The following LUZP2 variants were observed in gnomAD, a reference collection of about 807,000 sequenced individuals.
LUZP2 encodes the protein leucine zipper protein 2.
Under a neutral mutation model 51.6 loss-of-function variants are expected in LUZP2, and 52 were observed. That is an observed-to-expected ratio of 1.01 (90% confidence interval 0.81 to 1.27). LUZP2 has a LOEUF of 1.27. Ranked by LOEUF, LUZP2 falls within the 50% of genes most tolerant of loss-of-function variation. The pLI is 0.00. For missense variants in LUZP2, 436 were observed against 395.4 expected (o/e 1.10, Z -0.87); for synonymous variants, 154 against 137.3 (o/e 1.12, Z -0.85).
At chr11:24,816,296 T>C (rs1850181844) in intron 5 of LUZP2, among the ~76,000 whole-genome samples, 1 of 152,018 alleles carries the variant, frequency 6.6e-6, no homozygotes, top group East Asian at 1.9e-4. Context: ...TTTTTCAGCT[T>C]TAATATTCTG....
chr11:24,929,168 A>C (rs1854371868), intron 7 of LUZP2, among the ~76,000 whole-genome samples: 1 of 151,900 alleles, frequency 6.6e-6, no homozygotes, highest in Non-Finnish European at 1.5e-5. Context: ...TTATCTTTTC[A>C]AAAAATCAGC....
chr11:24,743,332 G>A (rs1859254784), intron 4 of LUZP2, among the ~76,000 whole-genome samples: 1 of 151,986 alleles, frequency 6.6e-6, no homozygotes, highest in South Asian at 2.1e-4. Flanking sequence ...CATGAGATAT[G>A]TTTCCATTTG....
At chr11:25,044,330 G>T (rs2134012957) in intron 9 of LUZP2, among the ~76,000 whole-genome samples, 2 of 140,588 alleles carry the variant, frequency 1.4e-5, no homozygotes, top group South Asian at 4.6e-4. Flanking sequence ...ATCCAGAATT[G>T]AAATCCATAT....
At chr11:24,832,019 C>CAA (rs1850718380) in intron 5 of LUZP2, 1 of 152,172 alleles carries the variant, frequency 6.6e-6, no homozygotes, top group Non-Finnish European at 1.5e-5. Flanking sequence ...ATATTAGATA[C>CAA]AAAATAAATA....
Position 24,529,613 on chromosome 11 carries a change from C to T in LUZP2, c.62+32308C>T, listed in dbSNP as rs1850932946. Among the ~76,000 whole-genome samples, 10 of 150,938 alleles carry T rather than the reference C, an allele frequency of 6.6e-5. No individual in the cohort carries two copies. The South Asian group carries it at 2.1e-3, about 31-fold the overall frequency. ...CAATAAGAATAAGACATTTAAATAC[C>T]TAATATTAAATTATAAGTAAATAAA... On this transcript the variant is annotated intron_variant, in intron 1 of 11. Transcript: ENST00000336930.
chr11:24,498,184 G>A (rs1370155240), intron 1 of LUZP2, among the ~76,000 whole-genome samples: 2 of 152,032 alleles, frequency 1.3e-5, no homozygotes, highest in Non-Finnish European at 2.9e-5. Flanking sequence ...CATGCCCTTA[G>A]CATCATATTG....
intron 7 of LUZP2, among the ~76,000 whole-genome samples, chr11:24,975,568 A>C (rs1338697324): frequency 1.3e-5 from 2 of 152,070 alleles, no homozygotes; most frequent in African/African-American, 2.4e-5. Context: ...TAATGGAATA[A>C]AGCAAAGTGG....
intron 9 of LUZP2, among the ~76,000 whole-genome samples, chr11:25,033,187 A>C (rs1248676345): frequency 6.6e-6 from 1 of 152,172 alleles, no homozygotes; most frequent in Non-Finnish European, 1.5e-5. Flanking sequence ...TTCTCCAGAA[A>C]CATATAAGAA....
At chr11:24,876,279 A>G (rs922076961) in intron 5 of LUZP2, among the ~76,000 whole-genome samples, 30 of 149,594 alleles carry the variant, frequency 2.0e-4, no homozygotes, top group African/African-American at 6.7e-4. Flanking sequence ...TTTGTATAAG[A>G]TGTAAGGAAG....
intron 9 of LUZP2, among the ~76,000 whole-genome samples, chr11:24,997,600 C>A (rs1856546955): frequency 1.3e-5 from 2 of 152,008 alleles, no homozygotes; most frequent in South Asian, 4.1e-4. Flanking sequence ...GTTTCTTTTG[C>A]TGTGCAGAAG....
intron 1 of LUZP2, among the ~76,000 whole-genome samples, chr11:24,555,723 C>T (rs974042351): frequency 6.6e-6 from 1 of 152,174 alleles, no homozygotes; most frequent in Middle Eastern, 3.2e-3. Flanking sequence ...TGCCTGTAAT[C>T]CCAGCATGTT....
intron 1 of LUZP2, among the ~76,000 whole-genome samples, chr11:24,712,244 G>A (rs903703178): frequency 1.3e-5 from 2 of 151,920 alleles, no homozygotes; most frequent in Non-Finnish European, 2.9e-5. Context: ...AACATGGTGA[G>A]ACCCCATCTC....
Position 25,030,929 on chromosome 11 carries a change from TA to T in LUZP2, c.766-19107del, listed in dbSNP as rs1565254530. ...TAATATATATTGTATTATATATATA[TA>T]ATATATATTATATATATTATATATA... is the stretch of plus-strand genomic sequence containing the variant. On this transcript the variant is annotated intron_variant, in intron 9 of 11. Coordinates refer to ENST00000336930, the MANE Select transcript of LUZP2 (RefSeq NM_001009909.4). Among the ~76,000 whole-genome samples, 17 of 11,536 alleles carry T rather than the reference TA, an allele frequency of 1.5e-3. 1 individual carries two copies. The highest frequency in any genetic ancestry group is 4.0e-3 in the South Asian group (1 of 250). 7.6% of individuals were successfully genotyped at this position (11,536 alleles called of 152,430 possible).
intron 1 of LUZP2, among the ~76,000 whole-genome samples, chr11:24,630,536 T>G (rs1198469849): frequency 6.6e-6 from 1 of 152,020 alleles, no homozygotes; most frequent in African/African-American, 2.4e-5. Flanking sequence ...ATATTCTGTT[T>G]TATTAATCTA....
At chr11:24,794,479 T>G (rs1442851482) in intron 5 of LUZP2, among the ~76,000 whole-genome samples, 1 of 152,130 alleles carries the variant, frequency 6.6e-6, no homozygotes, top group Non-Finnish European at 1.5e-5. Flanking sequence ...AATCAAGAGA[T>G]ATAGCAAACA....
At chr11:24,807,056 T>C (rs547696505) in intron 5 of LUZP2, among the ~76,000 whole-genome samples, 31 of 138,448 alleles carry the variant, frequency 2.2e-4, no homozygotes, top group Non-Finnish European at 3.7e-4. Flanking sequence ...AGAGATACGG[T>C]CTAGATACTT....
intron 5 of LUZP2, among the ~76,000 whole-genome samples, chr11:24,836,542 T>C (rs2134190606): frequency 6.6e-6 from 1 of 152,006 alleles, no homozygotes; most frequent in African/African-American, 2.4e-5. Flanking sequence ...ATCAAAATCA[T>C]GTGCCATTTG....
intron 1 of LUZP2, among the ~76,000 whole-genome samples, chr11:24,683,041 T>C (rs1856797777): frequency 2.0e-5 from 3 of 152,164 alleles, no homozygotes; most frequent in African/African-American, 7.2e-5. Context: ...TGTGCTCTCA[T>C]TGAACATCAT....
At chr11:24,848,888 G>A (rs905793295) in intron 5 of LUZP2, among the ~76,000 whole-genome samples, 2 of 151,952 alleles carry the variant, frequency 1.3e-5, no homozygotes. Flanking sequence ...TTTAATATAG[G>A]AGCATAGGAG....
Sources: gnomAD v4.1 joint callset for allele counts (sites outside exome capture counted in the v4.1 genomes callset) on GRCh38, gnomAD v4.1.1 for gene constraint, MANE v1.5 for transcripts, NCBI Gene and HGNC (gene_info 2026-07-23, HGNC 2026-07-21) for gene names.